The following TTC23 variants were observed in gnomAD, a reference collection of about 807,000 sequenced individuals.
TTC23 encodes the protein tetratricopeptide repeat domain 23.
TTC23 carries 58 observed loss-of-function variants against 55.1 expected under a neutral mutation model. That is an observed-to-expected ratio of 1.05 (90% CI 0.85 to 1.31). The LOEUF (loss-of-function observed/expected upper bound fraction) is 1.31. Among genes scored for constraint, TTC23 ranks in the 50% most tolerant of loss-of-function variants. TTC23 has a pLI of 0.00. For synonymous variants in TTC23, 203 were observed against 199.9 expected (o/e 1.02, Z -0.13); for missense variants, 516 against 534.4 (o/e 0.97, Z 0.34).
chr15:99,174,367 T>A (rs1458735148), intron 10 of TTC23, among the ~76,000 whole-genome samples: 1 of 152,066 alleles, frequency 6.6e-6, no homozygotes, highest in African/African-American at 2.4e-5. Context: ...CAGTGGACCT[T>A]ATTTTATTCA....
intron 9 of TTC23, among the ~76,000 whole-genome samples, chr15:99,186,902 C>A (rs2074718280): frequency 6.6e-6 from 1 of 152,020 alleles, no homozygotes; most frequent in Non-Finnish European, 1.5e-5. Flanking sequence ...TCAATATAAT[C>A]CCTACCAAAA....
At chr15:99,202,722 C>A (rs1254351136) in intron 8 of TTC23, among the ~76,000 whole-genome samples, 1 of 152,056 alleles carries the variant, frequency 6.6e-6, no homozygotes, top group African/African-American at 2.4e-5. Context: ...TACCTGACTC[C>A]CAGAGAAAAT....
chr15:99,235,220 C>A (rs1036347907), intron 3 of TTC23, 140 bp from the exon 4 acceptor site: 1 of 151,978 alleles, frequency 6.6e-6, no homozygotes, highest in African/African-American at 2.4e-5. Context: ...TGAACCCCAG[C>A]CTGAGAGACA....
At chr15:99,139,612 A>G (rs1038326785) in intron 12 of TTC23, 10 of 1,524,272 alleles carry the variant, frequency 6.6e-6, no homozygotes, top group Non-Finnish European at 7.9e-6. Flanking sequence ...ACTATTTCAC[A>G]AAACTCTCTG....
At chr15:99,187,512 T>C (rs1285199367) in intron 9 of TTC23, among the ~76,000 whole-genome samples, 1 of 68,416 alleles carries the variant, frequency 1.5e-5, no homozygotes, top group Admixed American at 1.4e-4. Context: ...ACAATCAAAA[T>C]GAAAAACTTT....
At chr15:99,142,289 C>T (rs1178163276) in intron 12 of TTC23, among the ~76,000 whole-genome samples, 1 of 152,164 alleles carries the variant, frequency 6.6e-6, no homozygotes, top group Non-Finnish European at 1.5e-5. Flanking sequence ...AGGCAAGATG[C>T]TTCCCCCACT....
chr15:99,156,476 A>G (rs2070591938), intron 11 of TTC23, among the ~76,000 whole-genome samples, 179 bp from the exon 12 acceptor site: 1 of 152,248 alleles, frequency 6.6e-6, no homozygotes, highest in Non-Finnish European at 1.5e-5. Flanking sequence ...TAATTTATAA[A>G]GCCAAGAAGT....
chr15:99,187,279 A>C (rs2074759158), intron 9 of TTC23, among the ~76,000 whole-genome samples: 1 of 151,804 alleles, frequency 6.6e-6, no homozygotes. Flanking sequence ...CCGCCAAAAA[A>C]GGAAGTTGGA....
At chr15:99,218,861 G>A in intron 7 of TTC23, 37 bp downstream of exon 7, 1 of 1,603,410 alleles carries the variant, frequency 6.2e-7, no homozygotes, top group Non-Finnish European at 8.5e-7. Context: ...TACGTGAATA[G>A]TATTTCTATT....
At chr15:99,139,841 A>G in intron 12 of TTC23, 2 of 988,334 alleles carry the variant, frequency 2.0e-6, no homozygotes, top group African/African-American at 3.4e-5. Flanking sequence ...CTACACAGCA[A>G]TGTCTTAGTT....
chr15:99,166,298 C>T (rs1567373581), intron 10 of TTC23, among the ~76,000 whole-genome samples: 3 of 152,188 alleles, frequency 2.0e-5, no homozygotes, highest in African/African-American at 4.8e-5. Flanking sequence ...CTAACTGCCC[C>T]GAAAAGCACC....
In TTC23 at chr15:99,187,468, ACAAAAC is replaced by A. The variant is rs1389788954; in HGVS notation, c.760-12319_760-12314del. Among the ~76,000 whole-genome samples, 297 of 146,062 alleles carry A rather than the reference ACAAAAC, an allele frequency of 2.0e-3. 23 individuals carry two copies. Among genetic ancestry groups the A allele is most frequent in the African/African-American group, 7.0e-3 (280 of 39,912 alleles). On this transcript the variant is annotated intron_variant, in intron 9 of 13. Transcript: ENST00000394132. ...AAGCACAAGCAAAAAAAAAAAAAAA[ACAAAAC>A]AAAAGAAACCCAACATAGACAAGTT...
upstream of TTC23, among the ~76,000 whole-genome samples, chr15:99,250,780 T>G (rs1040982165): frequency 6.6e-6 from 1 of 152,212 alleles, no homozygotes; most frequent in African/African-American, 2.4e-5. Flanking sequence ...TTACTCAAAA[T>G]AAACCTTGGG....
intron 2 of TTC23, among the ~76,000 whole-genome samples, chr15:99,241,980 C>A (rs1320625057): frequency 6.6e-6 from 1 of 151,964 alleles, no homozygotes; most frequent in Non-Finnish European, 1.5e-5. Flanking sequence ...ACTAAAATTG[C>A]AAAAATTAGC....
At chr15:99,235,236 A>C (rs2079217683) in intron 3 of TTC23, among the ~76,000 whole-genome samples, 156 bp from the exon 4 acceptor site, 1 of 152,190 alleles carries the variant, frequency 6.6e-6, no homozygotes, top group African/African-American at 2.4e-5. Flanking sequence ...AGACAGAGGA[A>C]GACACCATCT....
chr15:99,138,655 T>C (rs2067839191), intron 13 of TTC23, among the ~76,000 whole-genome samples: 1 of 152,216 alleles, frequency 6.6e-6, no homozygotes, highest in Admixed American at 6.5e-5. Context: ...CTCACTGAGC[T>C]GAGGCCCTCA....
chr15:99,195,996 A>T (rs540390086), intron 9 of TTC23, among the ~76,000 whole-genome samples: 2 of 152,184 alleles, frequency 1.3e-5, no homozygotes, highest in South Asian at 4.1e-4. Flanking sequence ...TCTACTAAAA[A>T]TACAAAATAG....
intron 9 of TTC23, among the ~76,000 whole-genome samples, chr15:99,184,574 A>G (rs984168702): frequency 1.3e-5 from 2 of 152,130 alleles, no homozygotes; most frequent in South Asian, 4.1e-4. Context: ...AATTTCTCCC[A>G]TTTTGAACGG....
chr15:99,230,519 G>T (rs115182551), intron 4 of TTC23, among the ~76,000 whole-genome samples: 1 of 151,916 alleles, frequency 6.6e-6, no homozygotes, highest in Non-Finnish European at 1.5e-5. Context: ...AACACTAAAC[G>T]CAAGAAACAT....
Sources: gnomAD v4.1 joint callset for allele counts (sites outside exome capture counted in the v4.1 genomes callset) on GRCh38, gnomAD v4.1.1 for gene constraint, MANE v1.5 for transcripts, NCBI Gene and HGNC (gene_info 2026-07-23, HGNC 2026-07-21) for gene names.